The following POLN variants were observed in gnomAD, a reference collection of about 807,000 sequenced individuals.
POLN encodes the protein DNA polymerase N.
Under a neutral mutation model 113.5 loss-of-function variants are expected in POLN, and 108 were observed. The observed-to-expected ratio is 0.95, with a 90% confidence interval of 0.81 to 1.12. The LOEUF (loss-of-function observed/expected upper bound fraction) is 1.12. POLN is among the 50% of genes most tolerant of loss of function. The probability of loss-of-function intolerance (pLI) is 0.00; values close to 1 mark genes in which losing one functional copy is unlikely to be tolerated. For missense variants in POLN, 1,097 were observed against 1,077.1 expected (o/e 1.02, Z -0.26); for synonymous variants, 386 against 391.5 (o/e 0.99, Z 0.17).
chr4:2,188,897 T>C (rs991823704), intron 7 of POLN, among the ~76,000 whole-genome samples: 3 of 152,200 alleles, frequency 2.0e-5, no homozygotes, highest in African/African-American at 7.2e-5. Context: ...AATTAAAGTG[T>C]AAAGATTTTT....
chr4:2,080,280 C>T, intron 23 of POLN: 1 of 988,154 alleles, frequency 1.0e-6, no homozygotes, highest in Non-Finnish European at 1.2e-6. Context: ...TGGCCACCCA[C>T]ACTCTTGAGG....
intron 19 of POLN, among the ~76,000 whole-genome samples, chr4:2,110,768 AG>A (rs931637110): frequency 1.2e-4 from 18 of 152,246 alleles, no homozygotes; most frequent in African/African-American, 4.3e-4. Context: ...AACCAAAAAA[AG>A]TCCAGGACCA....
At chr4:2,111,968 C>T (rs1469423076) in intron 19 of POLN, among the ~76,000 whole-genome samples, 1 of 152,198 alleles carries the variant, frequency 6.6e-6, no homozygotes, top group African/African-American at 2.4e-5. Context: ...AGGCATCACG[C>T]TACCTGACTT....
At chr4:2,104,895 C>A (rs1179180133) in intron 19 of POLN, among the ~76,000 whole-genome samples, 1 of 152,210 alleles carries the variant, frequency 6.6e-6, no homozygotes, top group Non-Finnish European at 1.5e-5. Flanking sequence ...GTGCTGCACA[C>A]CTATCAGGGT....
At chr4:2,164,952 T>A (rs1732694157) in intron 13 of POLN, among the ~76,000 whole-genome samples, 1 of 151,872 alleles carries the variant, frequency 6.6e-6, no homozygotes, top group Non-Finnish European at 1.5e-5. Context: ...TCTCATTCAT[T>A]GTTGAACTCT....
chr4:2,083,934 T>C (rs2108691525), intron 21 of POLN, among the ~76,000 whole-genome samples: 1 of 152,344 alleles, frequency 6.6e-6, no homozygotes, highest in African/African-American at 2.4e-5. Flanking sequence ...GCAGGGCCTC[T>C]CCCAGGACCT....
At chr4:2,155,352 T>C (rs1201587372) in intron 16 of POLN, among the ~76,000 whole-genome samples, 1 of 152,138 alleles carries the variant, frequency 6.6e-6, no homozygotes, top group Non-Finnish European at 1.5e-5. Flanking sequence ...CTCCCTAAAG[T>C]GCAAGGCCAG....
At chr4:2,237,742 A>G (rs1560105178) in intron 2 of POLN, among the ~76,000 whole-genome samples, 1 of 152,256 alleles carries the variant, frequency 6.6e-6, no homozygotes, top group Admixed American at 6.5e-5. Flanking sequence ...TGTAAAATAT[A>G]AAAATAAATG....
intron 16 of POLN, among the ~76,000 whole-genome samples, chr4:2,138,680 T>C (rs1484872259): frequency 2.0e-5 from 3 of 152,036 alleles, no homozygotes; most frequent in Admixed American, 1.3e-4. Context: ...GGTGGGCGGA[T>C]CATTTGAGGT....
chr4:2,178,340 T>C (rs1348339616), intron 8 of POLN, among the ~76,000 whole-genome samples: 2 of 152,376 alleles, frequency 1.3e-5, no homozygotes, highest in African/African-American at 2.4e-5. Flanking sequence ...CTGTGATTGC[T>C]TGAGCTAGCT....
At chr4:2,213,399 A>C (rs1045536925) in intron 3 of POLN, among the ~76,000 whole-genome samples, 4 of 152,274 alleles carry the variant, frequency 2.6e-5, no homozygotes, top group Non-Finnish European at 5.9e-5. Context: ...ATTTGAATAC[A>C]TGACTCTAAA....
At chr4:2,176,461 G>T in intron 8 of POLN, 127 bp from the exon 9 acceptor site, 1 of 673,234 alleles carries the variant, frequency 1.5e-6, no homozygotes, top group Non-Finnish European at 2.4e-6. Context: ...AATGGCAGAT[G>T]TCATGTACGT....
intron 23 of POLN, chr4:2,080,703 G>A: frequency 7.2e-7 from 1 of 1,384,842 alleles, no homozygotes; most frequent in Non-Finnish European, 9.4e-7. Context: ...GACACCCCGA[G>A]GAGGAGGGGT....
intron 2 of POLN, among the ~76,000 whole-genome samples, chr4:2,233,865 A>C (rs1414064056): frequency 6.6e-6 from 1 of 152,212 alleles, no homozygotes; most frequent in Admixed American, 6.5e-5. Flanking sequence ...ACACTTATAT[A>C]GTGCTGGTAG....
intron 7 of POLN, among the ~76,000 whole-genome samples, chr4:2,190,638 G>A (rs1341350071): frequency 2.6e-5 from 4 of 152,146 alleles, no homozygotes; most frequent in Admixed American, 2.0e-4. Context: ...TCTGATAGTG[G>A]ATTAACAACC....
At chr4:2,171,376 G>A (rs979052401) in intron 11 of POLN, among the ~76,000 whole-genome samples, 195 bp from the exon 12 acceptor site, 5 of 131,690 alleles carry the variant, frequency 3.8e-5, no homozygotes, top group Non-Finnish European at 7.9e-5. Context: ...AACATAGTGC[G>A]ACCCCACCAC....
At chr4:2,238,295 C>A (rs1734838488) in intron 2 of POLN, among the ~76,000 whole-genome samples, 2 of 152,172 alleles carry the variant, frequency 1.3e-5, no homozygotes, top group Non-Finnish European at 2.9e-5. Context: ...TGTATTCAAA[C>A]TTCCTGCCCC....
chr4:2,184,906 G>T (rs1179406659), intron 7 of POLN, among the ~76,000 whole-genome samples: 1 of 152,016 alleles, frequency 6.6e-6, no homozygotes. Context: ...GGCTTTTTTT[G>T]ATCACCTTTT....
At chr4:2,094,663 C>A (rs1730743475) in intron 20 of POLN, among the ~76,000 whole-genome samples, 1 of 152,132 alleles carries the variant, frequency 6.6e-6, no homozygotes, top group South Asian at 2.1e-4. Context: ...GGTACAGGGG[C>A]AGGTGTTCCC....
Sources: gnomAD v4.1 joint callset for allele counts (sites outside exome capture counted in the v4.1 genomes callset) on GRCh38, gnomAD v4.1.1 for gene constraint, MANE v1.5 for transcripts, NCBI Gene and HGNC (gene_info 2026-07-23, HGNC 2026-07-21) for gene names.